Variants in DNAH10 observed in about 807,000 individuals in gnomAD.
DNAH10 encodes the protein dynein axonemal heavy chain 10, also known as axonemal beta dynein heavy chain 10.
Under a neutral mutation model 506.6 loss-of-function variants are expected in DNAH10, and 348 were observed. That is an observed-to-expected ratio of 0.69 (90% CI 0.63 to 0.75). The LOEUF (loss-of-function observed/expected upper bound fraction) is 0.75. Ranked by LOEUF, DNAH10 falls within the 30% of genes least tolerant of loss-of-function variation. The pLI, the probability that DNAH10 is intolerant of heterozygous loss-of-function variation, is 0.00. For missense variants in DNAH10, 5,179 were observed against 5,787.1 expected (o/e 0.89, Z 3.41); for synonymous variants, 2,059 against 2,198.6 (o/e 0.94, Z 1.78).
Position 123,935,687 on chromosome 12 carries a change from A to G in DNAH10, c.*206A>G. 1 of 480,292 alleles carries G rather than the reference A, an allele frequency of 2.1e-6. No homozygotes were observed. The highest frequency in any genetic ancestry group is 3.6e-6 in the Non-Finnish European group (1 of 281,252). The allele number at this position is 480,292 out of a possible 1,614,324, so 29.8% of individuals were successfully genotyped here. A position where few individuals can be genotyped will look rare whatever the true frequency, so the allele number is the denominator to read the frequency against. On this transcript the variant is annotated 3_prime_UTR_variant, in exon 79 of 79. Transcript: ENST00000673944. ...ATACTACTTTTTAAAAGGAATTTAT[A>G]TAATCAAAAAGTAAATATTGGAGAG...
At chr12:123,813,966 A>G (rs1263652399) in intron 21 of DNAH10, 54 bp downstream of exon 21, 2 of 1,487,558 alleles carry the variant, frequency 1.3e-6, no homozygotes, top group East Asian at 4.7e-5. Context: ...ACCACTAACG[A>G]CCCTTTTCAG....
chr12:123,803,904 A>G (rs916575427), intron 17 of DNAH10, 79 bp downstream of exon 17: 1 of 1,328,248 alleles, frequency 7.5e-7, no homozygotes, highest in Non-Finnish European at 1.0e-6. Flanking sequence ...GTATATATGT[A>G]CCTATAAATA....
At chr12:123,815,106 T>C (rs1055686526) in intron 21 of DNAH10, among the ~76,000 whole-genome samples, 4 of 152,218 alleles carry the variant, frequency 2.6e-5, no homozygotes, top group Admixed American at 2.6e-4. Flanking sequence ...GTGATTGCAT[T>C]GATCCTTTAG....
In DNAH10 at chr12:123,791,701, C is replaced by T. The variant is rs572773864; in HGVS notation, c.1815+1580C>T. On this transcript the variant is annotated intron_variant, in intron 11 of 78. Coordinates refer to ENST00000673944, the MANE Select transcript of DNAH10 (RefSeq NM_001372106.1). ...AAGTGATCCTTCCGCCTCAGCCTAC[C>T]GAGTAGTTGGGACCACAAGCATGTG... Among the ~76,000 whole-genome samples the T allele has an allele frequency of 9.2e-5, 14 of 152,120 alleles. No homozygotes were observed. In the East Asian group the frequency reaches 2.1e-3, roughly 23 times the overall value.
intron 15 of DNAH10, 58 bp from the exon 16 acceptor site, chr12:123,801,222 AG>A: frequency 6.6e-7 from 1 of 1,522,504 alleles, no homozygotes; most frequent in Non-Finnish European, 8.8e-7. Flanking sequence ...TGACCGCAAA[AG>A]CTTTTGATGA....
chr12:123,810,866 TG>T (rs1453563561), intron 19 of DNAH10, among the ~76,000 whole-genome samples: 1 of 152,162 alleles, frequency 6.6e-6, no homozygotes, highest in African/African-American at 2.4e-5. Context: ...ATAGGAAAGT[TG>T]GCCTATAAAA....
rs115214144 is a variant in DNAH10, at chr12:123,826,290, T to C, written c.4180-397T>C. ...TTAGTGATCTAGAGTGTAAATATTT[T>C]GTAACCTTAGCTGCTTTCATCAGGG... On this transcript the variant is annotated intron_variant, in intron 24 of 78. Transcript: ENST00000673944. 9.5e-3 allele frequency among the ~76,000 whole-genome samples: 1,448 copies of C among 152,340 alleles called. 15 individuals carry two copies. Among genetic ancestry groups the C allele is most frequent in the African/African-American group, 0.031 (1,309 of 41,564 alleles).
rs547453998 is a variant in DNAH10, at chr12:123,850,510, C to T, written c.6103-378C>T. On this transcript the variant is annotated intron_variant, in intron 34 of 78. Transcript: ENST00000673944. The surrounding 1 kb of genome is among the most constrained non-coding windows in gnomAD (Gnocchi z 5.5). The stretch of plus-strand genomic sequence containing the variant: ...GGCTGTCTCCTTTCATCGCCACAGC[C>T]GTGCCACGAGGTGGGTTGCATTTCT... 3.3e-5 allele frequency among the ~76,000 whole-genome samples: 5 copies of T among 152,298 alleles called. No homozygotes were observed. The East Asian group carries it at 7.7e-4, about 24-fold the overall frequency.
At chr12:123,934,368 G>C (rs1214498925) in intron 77 of DNAH10, 2 of 658,340 alleles carry the variant, frequency 3.0e-6, no homozygotes, top group Non-Finnish European at 5.5e-6. Context: ...GATTCCTGGG[G>C]GAGAGGCCAC....
At chr12:123,835,372 C>A in intron 27 of DNAH10, 34 bp from the exon 28 acceptor site, 1 of 1,608,732 alleles carries the variant, frequency 6.2e-7, no homozygotes. Context: ...TATCTGATAA[C>A]CCCTGCTGAC....
At chr12:123,799,191 G>GGTCGCTGTATC in intron 13 of DNAH10, 55 bp from the exon 14 acceptor site, 1 of 1,502,208 alleles carries the variant, frequency 6.7e-7, no homozygotes, top group South Asian at 1.2e-5. Flanking sequence ...TGTAGAGCGA[G>GGTCGCTGTATC]ATGAAAAATG....
chr12:123,781,416 G>A, intron 6 of DNAH10, 117 bp downstream of exon 6: 1 of 993,162 alleles, frequency 1.0e-6, no homozygotes, highest in Non-Finnish European at 1.5e-6. Flanking sequence ...TGTTTGTTTT[G>A]TGGAGACGGG....
At position 123,784,082 on chromosome 12, in the gene DNAH10, G is replaced by T; in HGVS notation, c.1135G>T (p.Ala379Ser). The T allele has an allele frequency of 1.2e-6, 2 of 1,614,204 alleles. No homozygotes were observed. The highest frequency in any genetic ancestry group is 2.7e-5 in the African/African-American group (2 of 75,044). Residue 379 changes from alanine (A) to serine (S), a missense_variant, in exon 8 of 79, where the codon GCT (alanine) becomes TCT (serine). Transcript: ENST00000673944. ...CAAGGAATCCGACTCCATGCTTGTGGCTAATCTGCAGCCAGTGTTCACCGA... is the reference window on the plus strand; with the variant it reads ...CAAGGAATCCGACTCCATGCTTGTGTCTAATCTGCAGCCAGTGTTCACCGA... ...VIKESDSMLV[A>S]NLQPVFTELF...
intron 47 of DNAH10, 43 bp from the exon 48 acceptor site, chr12:123,877,693 A>T: frequency 6.4e-7 from 1 of 1,563,970 alleles, no homozygotes; most frequent in South Asian, 1.2e-5. Flanking sequence ...TCATCTACTG[A>T]AGGACATTTG....
At chr12:123,789,326 C>T (rs1957989561) in intron 10 of DNAH10, among the ~76,000 whole-genome samples, 1 of 151,982 alleles carries the variant, frequency 6.6e-6, no homozygotes, top group Non-Finnish European at 1.5e-5. Flanking sequence ...GTTACCAGAA[C>T]AGTGGAAACG....
In DNAH10 at chr12:123,919,857, G is replaced by A. The variant is rs186907808; in HGVS notation, c.11506+908G>A. On this transcript the variant is annotated intron_variant, in intron 65 of 78. Coordinates refer to ENST00000673944, the MANE Select transcript of DNAH10 (RefSeq NM_001372106.1). This position sits in a 1 kb window ranked among gnomAD's most constrained non-coding sequence, Gnocchi z 4.9. Reference sequence around the variant, plus strand: ...CAGACCGCACTGTGTTTATCCACCCGTCACCTGATGGGCATTTGGGTTGTT... The same window carrying A: ...CAGACCGCACTGTGTTTATCCACCCATCACCTGATGGGCATTTGGGTTGTT... 3.9e-5 allele frequency among the ~76,000 whole-genome samples: 6 copies of A among 152,290 alleles called. No homozygotes were observed. The highest frequency in any genetic ancestry group is 2.1e-4 in the South Asian group (1 of 4,818).
chr12:123,823,154 G>A (rs946461204), intron 24 of DNAH10, among the ~76,000 whole-genome samples: 6 of 152,226 alleles, frequency 3.9e-5, no homozygotes, highest in Admixed American at 2.6e-4. Context: ...ACCAGAGCAG[G>A]CTTTTGCCTG....
Position 123,785,988 on chromosome 12 carries a change from T to C in DNAH10, c.1421+52T>C, listed in dbSNP as rs1318005451. 5.8e-6 allele frequency: 9 copies of C among 1,555,088 alleles called. No homozygotes were observed. The South Asian group carries it at 5.8e-5, about 10-fold the overall frequency. The stretch of plus-strand genomic sequence containing the variant: ...TGTTTTGTTTTGTTTCACTTTTTAC[T>C]TTTTAGATCTTAAACAGCTCTATTG... On this transcript the variant is annotated intron_variant, in intron 9 of 78. Coordinates refer to ENST00000673944, the MANE Select transcript of DNAH10 (RefSeq NM_001372106.1). This position sits in a 1 kb window ranked among gnomAD's most constrained non-coding sequence, Gnocchi z 4.1.
intron 49 of DNAH10, 84 bp from the exon 50 acceptor site, chr12:123,879,550 A>G: frequency 6.4e-7 from 1 of 1,557,360 alleles, no homozygotes; most frequent in Non-Finnish European, 8.7e-7. Context: ...ATTTTAGATA[A>G]TAGTACGTAT....
Sources: allele counts gnomAD v4.1 joint callset (sites outside exome capture counted in the v4.1 genomes callset), GRCh38; gene constraint gnomAD v4.1.1; non-coding constraint Gnocchi (gnomAD v3.1); transcripts MANE v1.5; gene names NCBI Gene and HGNC (gene_info 2026-07-23, HGNC 2026-07-21).